The following EVI5 variants were observed in gnomAD, a reference collection of about 807,000 sequenced individuals.
The protein encoded by EVI5 is ecotropic viral integration site 5 protein homolog.
Under a neutral mutation model 112.0 loss-of-function variants are expected in EVI5, and 73 were observed. The ratio of observed to expected loss-of-function variants is 0.65; its 90% confidence interval spans 0.54 to 0.79. The LOEUF is 0.79. Ranked by LOEUF, EVI5 falls within the 30% of genes least tolerant of loss-of-function variation. EVI5 has a pLI of 0.00. For missense variants in EVI5, 900 were observed against 968.8 expected (o/e 0.93, Z 0.94); for synonymous variants, 305 against 319.9 (o/e 0.95, Z 0.50).
intron 13 of EVI5, among the ~76,000 whole-genome samples, chr1:92,652,661 G>A (rs74102953): frequency 0.026 from 3,958 of 152,234 alleles, 130 homozygotes; most frequent in African/African-American, 0.074. Flanking sequence ...ACAGACAAAC[G>A]GATAAGGGAA....
chr1:92,663,520 G>T lies in EVI5; in HGVS notation c.1213-68C>A, dbSNP rs930968847. ...TAAAAGTGATAAAATTAGGAAAAAA[G>T]AAACAAATATACCCAAATTCCATCT... On this transcript the variant is annotated intron_variant, in intron 11 of 19. Transcript: ENST00000684568. The T allele has an allele frequency of 3.2e-5, 24 of 758,214 alleles. No homozygotes were observed. In the African/African-American group the frequency reaches 3.2e-4, roughly 10 times the overall value. The allele number at this position is 758,214 out of a possible 1,614,324, so 47.0% of individuals were successfully genotyped here.
chr1:92,552,929 CCA>C (rs753562947), intron 19 of EVI5, among the ~76,000 whole-genome samples: 2 of 151,628 alleles, frequency 1.3e-5, no homozygotes, highest in Non-Finnish European at 2.9e-5. Context: ...TTAATTAACC[CCA>C]GTTTCTTAAT....
intron 2 of EVI5, among the ~76,000 whole-genome samples, chr1:92,710,188 C>G (rs1672636560): frequency 6.8e-6 from 1 of 147,666 alleles, no homozygotes; most frequent in Non-Finnish European, 1.5e-5. Context: ...ACTAAAAATA[C>G]AAAAAATTAG....
intron 19 of EVI5, among the ~76,000 whole-genome samples, chr1:92,553,633 C>T (rs565943514): frequency 6.6e-6 from 1 of 151,986 alleles, no homozygotes; most frequent in Admixed American, 6.6e-5. Context: ...AGGGTTTTGC[C>T]ATATTGCCCA....
chr1:92,690,858 T>C (rs1669388177), intron 9 of EVI5, among the ~76,000 whole-genome samples: 1 of 152,220 alleles, frequency 6.6e-6, no homozygotes, highest in African/African-American at 2.4e-5. Context: ...ATTATGCATC[T>C]TTTAAGATGA....
upstream of EVI5, among the ~76,000 whole-genome samples, chr1:92,787,750 AAAAG>A (rs959439806): frequency 1.3e-5 from 2 of 152,058 alleles, no homozygotes; most frequent in African/African-American, 2.4e-5. Context: ...AAAAAAAAAA[AAAAG>A]AGAGAGAAAG....
intron 1 of EVI5, among the ~76,000 whole-genome samples, chr1:92,758,767 G>A (rs1369880797): frequency 2.0e-5 from 3 of 151,728 alleles, no homozygotes; most frequent in Admixed American, 6.6e-5. Context: ...GGGTCAGAGA[G>A]AGTTCTTTCT....
chr1:92,631,609 C>G (rs188156331), intron 14 of EVI5, among the ~76,000 whole-genome samples: 1 of 151,982 alleles, frequency 6.6e-6, no homozygotes, highest in Non-Finnish European at 1.5e-5. Context: ...CTAGATATAC[C>G]ATCATGTCAT....
At chr1:92,568,466 G>T (rs1556562) in intron 18 of EVI5, among the ~76,000 whole-genome samples, 129,545 of 152,100 alleles carry the variant, frequency 0.85, 55,545 homozygotes, top group East Asian at 0.97. Flanking sequence ...TATTGAACAG[G>T]TACAACACTT....
chr1:92,605,279 C>T (rs1316805618), intron 18 of EVI5, 28 bp downstream of exon 18: 3 of 1,405,384 alleles, frequency 2.1e-6, no homozygotes, highest in East Asian at 2.3e-5. Context: ...TATATTTTTA[C>T]ATGTACTTTA....
intron 2 of EVI5, among the ~76,000 whole-genome samples, chr1:92,724,533 C>T (rs1339741669): frequency 1.3e-5 from 2 of 152,100 alleles, no homozygotes; most frequent in Non-Finnish European, 2.9e-5. Context: ...TTAGGCTTGG[C>T]ACACTCATTC....
At chr1:92,681,737 C>T (rs946262025) in intron 9 of EVI5, among the ~76,000 whole-genome samples, 7 of 152,130 alleles carry the variant, frequency 4.6e-5, no homozygotes, top group African/African-American at 9.7e-5. Context: ...ATGACGAAAA[C>T]GTGCTAGATC....
At chr1:92,686,081 T>C (rs759923002) in intron 9 of EVI5, among the ~76,000 whole-genome samples, 12 of 152,054 alleles carry the variant, frequency 7.9e-5, no homozygotes, top group East Asian at 1.9e-4. Context: ...CAAAGCCTGG[T>C]AGAGACACAA....
chr1:92,785,979 T>C (rs935098745), upstream of EVI5, among the ~76,000 whole-genome samples: 1 of 151,534 alleles, frequency 6.6e-6, no homozygotes, highest in Non-Finnish European at 1.5e-5. Context: ...CCAGCCAAGC[T>C]ACTCTGGAGG....
At chr1:92,568,956 T>G (rs543045834) in intron 18 of EVI5, among the ~76,000 whole-genome samples, 14 of 152,144 alleles carry the variant, frequency 9.2e-5, no homozygotes, top group African/African-American at 3.1e-4. Flanking sequence ...TTTGGGGGAG[T>G]CAAAAGTTAT....
chr1:92,711,919 C>G (rs757714742), intron 2 of EVI5, among the ~76,000 whole-genome samples: 63 of 152,278 alleles, frequency 4.1e-4, no homozygotes, highest in Non-Finnish European at 6.9e-4. Context: ...AAGGCACCAG[C>G]AAGTTTGGCA....
intron 1 of EVI5, among the ~76,000 whole-genome samples, chr1:92,750,349 A>C (rs1450965717): frequency 1.3e-5 from 2 of 152,184 alleles, no homozygotes; most frequent in South Asian, 4.1e-4. Flanking sequence ...ATTTTAATAC[A>C]AAACCAAATA....
Position 92,605,172 on chromosome 1 carries a change from AT to A in EVI5, c.2070+134del, listed in dbSNP as rs1650086139. ...TAAGTTTTATGTCTATTTTACCACA[AT>A]AAAAAAAAATTGGAAATGAATGATT... On this transcript the variant is annotated intron_variant, in intron 18 of 19. Transcript: ENST00000684568. The A allele has an allele frequency of 1.8e-5, 12 of 656,864 alleles. No homozygotes were observed. The South Asian group carries it at 2.1e-4, about 12-fold the overall frequency. The allele number at this position is 656,864 out of a possible 1,614,324, so 40.7% of individuals were successfully genotyped here.
At chr1:92,539,048 A>G (rs1664344216) in intron 19 of EVI5, among the ~76,000 whole-genome samples, 1 of 152,206 alleles carries the variant, frequency 6.6e-6, no homozygotes, top group South Asian at 2.1e-4. Context: ...CCTTTATAAT[A>G]TCACACTGTG....
Sources: allele counts gnomAD v4.1 joint callset (sites outside exome capture counted in the v4.1 genomes callset), GRCh38; gene constraint gnomAD v4.1.1; transcripts MANE v1.5; gene names NCBI Gene and HGNC (gene_info 2026-07-23, HGNC 2026-07-21).